Variants in NNT observed in about 807,000 individuals in gnomAD.
The protein encoded by NNT is nicotinamide nucleotide transhydrogenase, also known as NAD(P) transhydrogenase, mitochondrial.
In NNT, 50 loss-of-function variants were observed where a neutral mutation model predicts 104.8. That is an observed-to-expected ratio of 0.48 (90% CI 0.38 to 0.60). The LOEUF is 0.60. Among genes scored for constraint, NNT ranks in the 20% least tolerant of loss-of-function variants. The pLI, the probability that NNT is intolerant of heterozygous loss-of-function variation, is 0.00. For synonymous variants in NNT, 461 were observed against 490.4 expected, an observed-to-expected ratio of 0.94 and a Z score of 0.79; for missense variants, 1,131 against 1,330.7, an observed-to-expected ratio of 0.85 and a Z score of 2.33.
At chr5:43,698,292 C>T (rs1233258739) in intron 19 of NNT, among the ~76,000 whole-genome samples, 2 of 151,760 alleles carry the variant, frequency 1.3e-5, no homozygotes, top group African/African-American at 4.8e-5. Context: ...AAAATCAATT[C>T]CCAGCTGGGG....
intron 17 of NNT, among the ~76,000 whole-genome samples, chr5:43,662,122 T>C (rs1031844930): frequency 2.0e-5 from 3 of 152,224 alleles, no homozygotes; most frequent in African/African-American, 7.2e-5. Flanking sequence ...TTTCTCATTT[T>C]ATCCTTTTTT....
At chr5:43,645,171 G>C (rs1326544733) in intron 9 of NNT, among the ~76,000 whole-genome samples, 186 bp from the exon 10 acceptor site, 1 of 151,776 alleles carries the variant, frequency 6.6e-6, no homozygotes, top group Admixed American at 6.6e-5. Flanking sequence ...TATGTAACAT[G>C]GATATTAGTA....
chr5:43,691,686 A>G (rs1459392943), intron 19 of NNT, among the ~76,000 whole-genome samples: 1 of 152,260 alleles, frequency 6.6e-6, no homozygotes, highest in Non-Finnish European at 1.5e-5. Context: ...TACTTTAGAT[A>G]TATTACTAAG....
intron 7 of NNT, among the ~76,000 whole-genome samples, chr5:43,640,018 C>A (rs1007153850): frequency 6.6e-6 from 1 of 151,622 alleles, no homozygotes; most frequent in African/African-American, 2.4e-5. Flanking sequence ...AAAGTTAAAG[C>A]CCAATTGGGC....
At chr5:43,695,807 G>T (rs1337572158) in intron 19 of NNT, among the ~76,000 whole-genome samples, 1 of 152,184 alleles carries the variant, frequency 6.6e-6, no homozygotes, top group Non-Finnish European at 1.5e-5. Context: ...CATCTTACAT[G>T]GATGGGAGCA....
At chr5:43,641,663 A>G (rs1032981054) in intron 7 of NNT, among the ~76,000 whole-genome samples, 2 of 152,196 alleles carry the variant, frequency 1.3e-5, no homozygotes, top group Non-Finnish European at 1.5e-5. Context: ...CTTTTTACTT[A>G]TAATAATTCC....
intron 12 of NNT, 131 bp from the exon 13 acceptor site, chr5:43,651,608 A>G: frequency 9.9e-7 from 1 of 1,010,422 alleles, no homozygotes; most frequent in South Asian, 1.7e-5. Context: ...GCAAAATGTT[A>G]CTTTAAATTA....
intron 19 of NNT, among the ~76,000 whole-genome samples, chr5:43,679,332 G>T (rs1741583985): frequency 6.6e-6 from 1 of 152,168 alleles, no homozygotes; most frequent in Admixed American, 6.5e-5. Flanking sequence ...TTAGGAGATG[G>T]GTGGCAATCA....
At chr5:43,699,756 A>G (rs112091679) in intron 19 of NNT, among the ~76,000 whole-genome samples, 353 of 152,322 alleles carry the variant, frequency 2.3e-3, no homozygotes, top group African/African-American at 8.1e-3. Context: ...CAGGCTAGGT[A>G]AATAGGTTTT....
At position 43,668,993 on chromosome 5, in the gene NNT, C is replaced by T. The variant is rs1306093737; in HGVS notation, c.2635-6518C>T. Among the ~76,000 whole-genome samples the T allele has an allele frequency of 2.0e-5, 3 of 152,172 alleles. 1 individual carries two copies. The highest frequency in any genetic ancestry group is 3.8e-4 in the East Asian group (2 of 5,204). ...TGTAGTTCTCCTTGAAGAGGTCCTT[C>T]ACATCCCTTGTAAGGTGGATTCCTA... On this transcript the variant is annotated intron_variant, in intron 17 of 21. Coordinates refer to ENST00000344920, the MANE Select transcript of NNT (RefSeq NM_182977.3).
At chr5:43,649,105 C>G in intron 10 of NNT, 42 bp from the exon 11 acceptor site, 1 of 1,604,200 alleles carries the variant, frequency 6.2e-7, no homozygotes, top group Non-Finnish European at 8.5e-7. Context: ...ACTGAGATAA[C>G]TGGATGTCAG....
intron 19 of NNT, among the ~76,000 whole-genome samples, chr5:43,695,485 T>G (rs953040314): frequency 6.6e-6 from 1 of 152,232 alleles, no homozygotes; most frequent in African/African-American, 2.4e-5. Context: ...CTGTGCCTTA[T>G]GCATCTAGAT....
At chr5:43,633,788 A>G (rs540303285) in intron 7 of NNT, among the ~76,000 whole-genome samples, 1 of 152,300 alleles carries the variant, frequency 6.6e-6, no homozygotes, top group South Asian at 2.1e-4. Flanking sequence ...CCAAATTCTT[A>G]TAGAACACTC....
rs1433598713 is a variant in NNT, at chr5:43,644,333, A to C, written c.1098+8A>C. Reference sequence around the variant, plus strand: ...GAACTCTACATTCATAAGGTATAGCAAGATGCGTTTTCTATCTGTGATCAC... The same window carrying C: ...GAACTCTACATTCATAAGGTATAGCCAGATGCGTTTTCTATCTGTGATCAC... On this transcript the variant is annotated splice_region_variant and intron_variant, in intron 8 of 21. Transcript: ENST00000344920. The C allele has an allele frequency of 6.2e-7, 1 of 1,610,828 alleles. No individual in the cohort carries two copies. Among genetic ancestry groups the C allele is most frequent in the East Asian group, 2.2e-5 (1 of 44,872 alleles).
intron 7 of NNT, among the ~76,000 whole-genome samples, chr5:43,634,759 A>G (rs1046776517): frequency 6.6e-6 from 1 of 152,200 alleles, no homozygotes; most frequent in African/African-American, 2.4e-5. Flanking sequence ...AGATAGAGCA[A>G]CTTGTCCTCA....
intron 17 of NNT, among the ~76,000 whole-genome samples, chr5:43,673,134 G>A (rs189572929): frequency 1.5e-3 from 229 of 152,348 alleles, no homozygotes; most frequent in African/African-American, 5.3e-3. Flanking sequence ...TTGGAAAAGC[G>A]CAGTAGTATT....
chr5:43,623,953 G>C, intron 5 of NNT, 79 bp from the exon 6 acceptor site: 1 of 1,292,118 alleles, frequency 7.7e-7, no homozygotes, highest in African/African-American at 1.5e-5. Flanking sequence ...CTTATACTAG[G>C]CACCAATAAT....
chr5:43,677,643 GT>G, intron 18 of NNT, 81 bp from the exon 19 acceptor site: 1 of 1,245,100 alleles, frequency 8.0e-7, no homozygotes, highest in Non-Finnish European at 1.2e-6. Flanking sequence ...ATAAACATGT[GT>G]TTTCATCAAG....
chr5:43,603,107 G>A (rs1749011239), upstream of NNT: 1 of 152,804 alleles, frequency 6.5e-6, no homozygotes, highest in Non-Finnish European at 1.5e-5. Context: ...AGAAAGCTGG[G>A]GCGGGGAAGG....
Sources: allele counts gnomAD v4.1 joint callset (sites outside exome capture counted in the v4.1 genomes callset), GRCh38; gene constraint gnomAD v4.1.1; transcripts MANE v1.5; gene names NCBI Gene and HGNC (gene_info 2026-07-23, HGNC 2026-07-21).